SOCS5: variants seen among roughly 807,000 people sequenced by gnomAD.
SOCS5 encodes the protein suppressor of cytokine signaling 5.
SOCS5 carries 32 observed loss-of-function variants against 42.8 expected under a neutral mutation model. The observed-to-expected ratio is 0.75, with a 90% CI of 0.56 to 1.01. The LOEUF is 1.01. Among genes scored for constraint, SOCS5 ranks in the 50% least tolerant of loss-of-function variants. The pLI, the probability that SOCS5 is intolerant of heterozygous loss-of-function variation, is 0.00. For synonymous variants in SOCS5, 283 were observed against 229.6 expected (o/e 1.23, Z -2.10); for missense variants, 627 against 653.0 (o/e 0.96, Z 0.43).
chr2:46,711,379 A>G (rs1330466564), intron 1 of SOCS5, among the ~76,000 whole-genome samples: 1 of 152,172 alleles, frequency 6.6e-6, no homozygotes, highest in African/African-American at 2.4e-5. Flanking sequence ...GTGAGTATCG[A>G]TGTCATGCAT....
chr2:46,709,396 G>A (rs1672565229), intron 1 of SOCS5, among the ~76,000 whole-genome samples: 4 of 152,158 alleles, frequency 2.6e-5, no homozygotes, highest in African/African-American at 9.7e-5. Context: ...AAATAAATGT[G>A]TCTGTTAGGA....
chr2:46,722,013 G>T (rs1381559930), intron 1 of SOCS5, among the ~76,000 whole-genome samples: 1 of 151,596 alleles, frequency 6.6e-6, no homozygotes, highest in Non-Finnish European at 1.5e-5. Flanking sequence ...CTATTTCAAG[G>T]ACCCAATGAA....
chr2:46,706,759 C>T (rs894689474), intron 1 of SOCS5, among the ~76,000 whole-genome samples: 4 of 151,952 alleles, frequency 2.6e-5, no homozygotes, highest in African/African-American at 9.7e-5. Context: ...TTCTTCTTGC[C>T]CTGGAGGTAG....
At chr2:46,736,864 C>A (rs557539013) in intron 1 of SOCS5, among the ~76,000 whole-genome samples, 1 of 151,308 alleles carries the variant, frequency 6.6e-6, no homozygotes, top group South Asian at 2.1e-4. Flanking sequence ...TTAATATTTG[C>A]ATTATGTTTA....
chr2:46,737,951 C>G (rs1344074014), intron 1 of SOCS5, among the ~76,000 whole-genome samples: 1 of 151,952 alleles, frequency 6.6e-6, no homozygotes, highest in Non-Finnish European at 1.5e-5. Context: ...TCTTTAGAAT[C>G]TTACAGTTGT....
At chr2:46,742,538 A>G (rs758095762) in intron 1 of SOCS5, among the ~76,000 whole-genome samples, 45 of 152,006 alleles carry the variant, frequency 3.0e-4, no homozygotes, top group Middle Eastern at 3.2e-3. Flanking sequence ...ACATTTTTTG[A>G]TATACAGAAA....
chr2:46,761,043 G>C lies in SOCS5; in HGVS notation c.*902G>C, dbSNP rs1381620403. ...TAACTACAATGGTTGCTGATGTTGA[G>C]ATTATTGTTGAACTATAATTAATAA... is the stretch of plus-strand genomic sequence containing the variant. On this transcript the variant is annotated 3_prime_UTR_variant, in exon 2 of 2. Coordinates refer to ENST00000394861, the MANE Select transcript of SOCS5 (RefSeq NM_144949.3). 1 of 167,072 alleles carries C rather than the reference G, an allele frequency of 6.0e-6. No homozygotes were observed. The highest frequency in any genetic ancestry group is 2.4e-5 in the African/African-American group (1 of 41,448). 10.3% of individuals were successfully genotyped at this position (167,072 alleles called of 1,614,324 possible).
intron 1 of SOCS5, among the ~76,000 whole-genome samples, chr2:46,702,212 C>G (rs932294865): frequency 2.0e-5 from 3 of 152,160 alleles, no homozygotes; most frequent in African/African-American, 7.2e-5. Context: ...TAGATGTAAG[C>G]AGGCAGTTGT....
Position 46,760,903 on chromosome 2 carries a change from G to A in SOCS5, c.*762G>A, listed in dbSNP as rs961886217. Reference sequence around the variant, plus strand: ...CTTGTGTGTGATTTTTTTTTAAGTTGATGTGCAGTCTAATTGTTGTTTCAT... The same window carrying A: ...CTTGTGTGTGATTTTTTTTTAAGTTAATGTGCAGTCTAATTGTTGTTTCAT... On this transcript the variant is annotated 3_prime_UTR_variant, in exon 2 of 2. Transcript: ENST00000394861. 6.0e-6 allele frequency: 1 copy of A among 166,968 alleles called. No homozygotes were observed. Among genetic ancestry groups the A allele is most frequent in the Admixed American group, 6.5e-5 (1 of 15,270 alleles). 10.3% of individuals were successfully genotyped at this position (166,968 alleles called of 1,614,324 possible). A position where few individuals can be genotyped will look rare whatever the true frequency, so the allele number is the denominator to read the frequency against.
At chr2:46,751,076 T>C (rs1236392639) in intron 1 of SOCS5, among the ~76,000 whole-genome samples, 2 of 152,034 alleles carry the variant, frequency 1.3e-5, no homozygotes, top group African/African-American at 4.8e-5. Context: ...ATAGAAGAAA[T>C]TGAAGTCCAA....
chr2:46,715,635 CTT>C (rs1052774726), intron 1 of SOCS5, among the ~76,000 whole-genome samples: 1 of 152,070 alleles, frequency 6.6e-6, no homozygotes, highest in Admixed American at 6.6e-5. Flanking sequence ...CCACTATCTT[CTT>C]GTTTGTATAG....
intron 1 of SOCS5, among the ~76,000 whole-genome samples, chr2:46,731,378 G>A (rs1238920480): frequency 1.3e-5 from 2 of 152,188 alleles, no homozygotes; most frequent in South Asian, 4.1e-4. Flanking sequence ...CCAGTGCTGT[G>A]ATGATCTTAG....
At chr2:46,747,607 C>T (rs559097412) in intron 1 of SOCS5, among the ~76,000 whole-genome samples, 4 of 152,134 alleles carry the variant, frequency 2.6e-5, no homozygotes, top group South Asian at 2.1e-4. Context: ...TGGGCTGTTA[C>T]ACTTTTTAAG....
chr2:46,711,184 G>C (rs1672613201), intron 1 of SOCS5, among the ~76,000 whole-genome samples: 1 of 152,062 alleles, frequency 6.6e-6, no homozygotes, highest in African/African-American at 2.4e-5. Flanking sequence ...GGAATTGCTG[G>C]GTTTTAAAAT....
In SOCS5 at chr2:46,758,995, C is replaced by A. The variant is rs770697781; in HGVS notation, c.465C>A (p.Arg155=). ...GTGGACTTCAAAGGAGAGAGAGGCGCTACGGCGTAAGTTCTGTACACGACA... is the reference window on the plus strand; with the variant it reads ...GTGGACTTCAAAGGAGAGAGAGGCGATACGGCGTAAGTTCTGTACACGACA... ...TRSGLQRRER[R]YGVSSVHDMD... The change falls in exon 2 of 2, where the codon CGC becomes CGA. Residue 155 remains arginine (R), a synonymous_variant. Transcript: ENST00000394861. 6.2e-7 allele frequency: 1 copy of A among 1,613,974 alleles called. No homozygotes were observed. Among genetic ancestry groups the A allele is most frequent in the African/African-American group, 1.3e-5 (1 of 75,048 alleles).
Position 46,758,695 on chromosome 2 carries a change from A to C in SOCS5, c.165A>C (p.Gln55His), listed in dbSNP as rs1423958804. ...ISIGDSTPQQ[Q>H]SSPLRENIAL... ...TAGGAGACTCAACTCCTCAGCAACA[A>C]AGCAGTCCCTTAAGAGAAAATATTG... The change falls in exon 2 of 2, where the codon CAA (glutamine) becomes CAC (histidine). Residue 55 changes from glutamine (Q) to histidine (H), a missense_variant. Gln to His is a conservative substitution (Grantham distance 24). Transcript: ENST00000394861. The C allele has an allele frequency of 4.3e-6, 7 of 1,614,078 alleles. No individual in the cohort carries two copies. The highest frequency in any genetic ancestry group is 5.1e-6 in the Non-Finnish European group (6 of 1,180,030).
In SOCS5 at chr2:46,743,951, G is replaced by A. The variant is rs181479548; in HGVS notation, c.-12-14568G>A. ...TAAAGTCAAAGAAGAATTTTTTTGT[G>A]TGGGTCTTTATATCAGGGATGATGT... On this transcript the variant is annotated intron_variant, in intron 1 of 1. Coordinates refer to ENST00000394861, the MANE Select transcript of SOCS5 (RefSeq NM_144949.3). Among the ~76,000 whole-genome samples the A allele has an allele frequency of 5.0e-3, 760 of 151,808 alleles. 1 individual carries two copies. Among genetic ancestry groups the A allele is most frequent in the Non-Finnish European group, 7.8e-3 (528 of 67,918 alleles).
intron 1 of SOCS5, among the ~76,000 whole-genome samples, chr2:46,710,350 T>A (rs895018796): frequency 6.6e-6 from 1 of 152,164 alleles, no homozygotes; most frequent in Non-Finnish European, 1.5e-5. Flanking sequence ...TTTCACCACG[T>A]TGGTTAGGCT....
intron 1 of SOCS5, among the ~76,000 whole-genome samples, chr2:46,723,191 T>C (rs1672919641): frequency 6.6e-6 from 1 of 152,090 alleles, no homozygotes; most frequent in Non-Finnish European, 1.5e-5. Context: ...TTTTCTTTTA[T>C]GGGTGGTACT....
Sources: gnomAD v4.1 joint callset for allele counts (sites outside exome capture counted in the v4.1 genomes callset) on GRCh38, gnomAD v4.1.1 for gene constraint, MANE v1.5 for transcripts, NCBI Gene and HGNC (gene_info 2026-07-23, HGNC 2026-07-21) for gene names.